Variants in MROH9 observed in about 807,000 individuals in gnomAD.
MROH9 encodes maestro heat like repeat family member 9, also known as maestro heat-like repeat-containing protein family member 9.
A neutral mutation model predicts 98.2 loss-of-function variants in MROH9; 92 were observed. The observed-to-expected ratio is 0.94, with a 90% confidence interval of 0.79 to 1.11. MROH9 has a LOEUF of 1.11. MROH9 is among the 50% of genes most tolerant of loss of function. MROH9 has a pLI of 0.00. For synonymous variants in MROH9, 397 were observed against 368.9 expected (o/e 1.08, Z -0.87); for missense variants, 1,057 against 1,014.8 (o/e 1.04, Z -0.57).
intron 16 of MROH9, chr1:171,015,117 T>A (rs1332908401): frequency 2.1e-6 from 1 of 466,642 alleles, no homozygotes; most frequent in Non-Finnish European, 4.4e-6. Context: ...TTATAATACA[T>A]CCAATAATAA....
At chr1:170,999,637 T>A (rs890927691) in intron 15 of MROH9, among the ~76,000 whole-genome samples, 3 of 152,192 alleles carry the variant, frequency 2.0e-5, no homozygotes, top group African/African-American at 7.2e-5. Flanking sequence ...GCTATAAATA[T>A]GTGTGTGAAA....
At chr1:171,015,246 G>A in intron 16 of MROH9, 1 of 338,180 alleles carries the variant, frequency 3.0e-6, no homozygotes, top group Non-Finnish European at 5.8e-6. Flanking sequence ...AATACAAGTT[G>A]ATGGATTTAC....
chr1:170,959,520 G>C lies in MROH9; in HGVS notation c.211G>C (p.Gly71Arg). 1 of 1,613,474 alleles carries C rather than the reference G, an allele frequency of 6.2e-7. No homozygotes were observed. Among genetic ancestry groups the C allele is most frequent in the Non-Finnish European group, 8.5e-7 (1 of 1,179,704 alleles). Residue 71 changes from glycine to arginine, a missense_variant, in exon 5 of 22, where the codon GGA (glycine) becomes CGA (arginine). Transcript: ENST00000367759. ...SQLKIIESSF[G>R]MLVVMPSLDK... ...GTTGAAGATAATAGAGTCATCCTTT[G>C]GAATGCTAGTTGTCATGCCAAGTCT...
rs996362892 is a variant in MROH9 at position 170,971,755 on chromosome 1, T to C, written c.488T>C (p.Val163Ala). 1.2e-6 allele frequency: 2 copies of C among 1,614,076 alleles called. No homozygotes were observed. The highest frequency in any genetic ancestry group is 3.3e-5 in the Admixed American group (2 of 60,016). ...CCTTTGTTTCTCCATTAGATAAGTG[T>C]TGATGCTCCATGTTTGGGTCTCCTG... Reference protein sequence around the residue: ...TVTKVRKYISVDAPCLGLLAA... With the variant: ...TVTKVRKYISADAPCLGLLAA... Residue 163 changes from valine to alanine, a missense_variant, in exon 8 of 22, where the codon GTT becomes GCT. Val to Ala is a moderately conservative substitution (Grantham distance 64). Transcript: ENST00000367759.
In MROH9 at chr1:171,016,249, C is replaced by T; in HGVS notation, c.1821C>T (p.Thr607=). The change falls in exon 17 of 22, where the codon ACC becomes ACT. Residue 607 remains threonine (T), a synonymous_variant. Transcript: ENST00000367759. ...ATGTTGTACTTCAGGCCTTGCTCAC[C>T]CTTAGAAGGCTTTTAAACGAACTGG... is the stretch of plus-strand genomic sequence containing the variant. ...DDNVVLQALL[T]LRRLLNELDK... 1.9e-6 allele frequency: 3 copies of T among 1,540,444 alleles called. No individual in the cohort carries two copies. The highest frequency in any genetic ancestry group is 2.6e-6 in the Non-Finnish European group (3 of 1,142,008).
chr1:170,940,894 A>C (rs574601444), intron 1 of MROH9, among the ~76,000 whole-genome samples: 1 of 152,262 alleles, frequency 6.6e-6, no homozygotes, highest in East Asian at 1.9e-4. Context: ...TTCTCGCCAT[A>C]ATATCCCCCA....
intron 20 of MROH9, among the ~76,000 whole-genome samples, chr1:171,048,430 T>A (rs1269921078): frequency 2.6e-5 from 4 of 152,080 alleles, no homozygotes; most frequent in East Asian, 3.9e-4. Flanking sequence ...GCCACGACCA[T>A]CCCACGTCAT....
chr1:170,946,346 C>T (rs531698485), intron 2 of MROH9, among the ~76,000 whole-genome samples: 1 of 151,946 alleles, frequency 6.6e-6, no homozygotes, highest in African/African-American at 2.4e-5. Context: ...CAGTGCTCTT[C>T]AAAACTGTCA....
intron 11 of MROH9, among the ~76,000 whole-genome samples, chr1:170,990,533 G>A (rs1651318677): frequency 1.3e-5 from 2 of 152,072 alleles, no homozygotes; most frequent in Admixed American, 6.6e-5. Flanking sequence ...ATACAAACGC[G>A]AGTCTATGGG....
intron 3 of MROH9, among the ~76,000 whole-genome samples, chr1:170,955,934 T>A (rs1365914555): frequency 6.6e-6 from 1 of 152,228 alleles, no homozygotes; most frequent in African/African-American, 2.4e-5. Context: ...TCTTCTAGAA[T>A]TTTTATAGTT....
intron 12 of MROH9, among the ~76,000 whole-genome samples, chr1:170,994,077 G>A (rs1185046456): frequency 6.6e-6 from 1 of 152,084 alleles, no homozygotes; most frequent in Non-Finnish European, 1.5e-5. Context: ...TGTAAGCATT[G>A]CGCTTATACA....
intron 10 of MROH9, among the ~76,000 whole-genome samples, chr1:170,987,782 C>T (rs1392318551): frequency 6.6e-6 from 1 of 152,158 alleles, no homozygotes; most frequent in Non-Finnish European, 1.5e-5. Context: ...CAATTTTTAT[C>T]ATTCATATAT....
chr1:170,967,544 A>C (rs891604657), intron 7 of MROH9, among the ~76,000 whole-genome samples: 1 of 152,190 alleles, frequency 6.6e-6, no homozygotes, highest in African/African-American at 2.4e-5. Flanking sequence ...CTCTAAGTGC[A>C]TCCACCTCAT....
At position 171,062,130 on chromosome 1, in the gene MROH9, A is replaced by G; in HGVS notation, c.2282-2A>G. ...TAACTTTAATTTTTATTATGTGCAT[A>G]GGATATTTGGCAAAATCAGGTGGTC... On this transcript the variant is annotated splice_acceptor_variant, in intron 20 of 21. Transcript: ENST00000367759. LOFTEE classifies it high-confidence loss of function. 6.5e-7 allele frequency: 1 copy of G among 1,538,146 alleles called. No individual in the cohort carries two copies. Among genetic ancestry groups the G allele is most frequent in the South Asian group, 1.2e-5 (1 of 83,630 alleles).
rs776824183 is a variant in MROH9 at position 170,965,230 on chromosome 1, T to C, written c.455T>C (p.Phe152Ser). ...GTGATCATCAACAAGGTGTTAAGAT[T>C]TACAGTCACAAAAGTCAGAAAATAC... ...IMVIINKVLR[F>S]TVTKVRKYIS... Residue 152 changes from phenylalanine (F) to serine (S), a missense_variant, in exon 7 of 22, where the codon TTT becomes TCT. By Grantham distance (155) the Phe-to-Ser change is radical (BLOSUM62 -2). Coordinates refer to ENST00000367759, the MANE Select transcript of MROH9 (RefSeq NM_001163629.2). 1 of 1,611,058 alleles carries C rather than the reference T, an allele frequency of 6.2e-7. No homozygotes were observed. The highest frequency in any genetic ancestry group is 1.1e-5 in the South Asian group (1 of 90,870).
At chr1:170,990,917 A>G (rs1651332421) in intron 11 of MROH9, among the ~76,000 whole-genome samples, 1 of 152,128 alleles carries the variant, frequency 6.6e-6, no homozygotes, top group African/African-American at 2.4e-5. Flanking sequence ...TATTTTTCAG[A>G]CTGAAAGATG....
In MROH9 at chr1:170,946,199, T is replaced by C. The variant is rs532180554; in HGVS notation, c.25+618T>C. 7.9e-5 allele frequency among the ~76,000 whole-genome samples: 12 copies of C among 152,140 alleles called. No individual in the cohort carries two copies. The South Asian group carries it at 2.1e-3, about 26-fold the overall frequency. On this transcript the variant is annotated intron_variant, in intron 2 of 21. Coordinates refer to ENST00000367759, the MANE Select transcript of MROH9 (RefSeq NM_001163629.2). ...GTAGGACTAATAAATAAATTCAAAA[T>C]CTTGTATTTTTTTCATGATGAGACA...
At chr1:170,949,788 G>C (rs1649476235) in intron 3 of MROH9, among the ~76,000 whole-genome samples, 1 of 151,884 alleles carries the variant, frequency 6.6e-6, no homozygotes, top group Non-Finnish European at 1.5e-5. Flanking sequence ...AACAGGAAGG[G>C]GACAATAAAT....
At chr1:171,058,031 G>A (rs994702078) in intron 20 of MROH9, among the ~76,000 whole-genome samples, 4 of 152,088 alleles carry the variant, frequency 2.6e-5, no homozygotes, top group African/African-American at 7.2e-5. Context: ...ATTCAAATAG[G>A]AAGAGAGGAA....
Sources: gnomAD v4.1 joint callset for allele counts (sites outside exome capture counted in the v4.1 genomes callset) on GRCh38, gnomAD v4.1.1 for gene constraint, MANE v1.5 for transcripts, NCBI Gene and HGNC (gene_info 2026-07-23, HGNC 2026-07-21) for gene names.